Variants in SMIM35 observed in about 807,000 individuals in gnomAD.
SMIM35 encodes small integral membrane protein 35, also known as TMPRSS4 antisense RNA 1 (non-protein coding).
At chr11:118,008,788 G>A (rs76763454) in intron 4 of SMIM35, among the ~76,000 whole-genome samples, 208 of 152,350 alleles carry the variant, frequency 1.4e-3, no homozygotes, top group Middle Eastern at 0.014. Flanking sequence ...GCAAAGTACC[G>A]TGGAGAACTC....
At chr11:118,054,805 A>ATT (rs34274655) in intron 1 of SMIM35, among the ~76,000 whole-genome samples, 615 of 139,374 alleles carry the variant, frequency 4.4e-3, no homozygotes, top group African/African-American at 9.0e-3. Context: ...TATTTTCAGG[A>ATT]TTTTTTTTTT....
chr11:118,078,224 A>G (rs1944847359), intron 1 of SMIM35, among the ~76,000 whole-genome samples: 1 of 151,988 alleles, frequency 6.6e-6, no homozygotes, highest in Non-Finnish European at 1.5e-5. Context: ...AGGACAGCTG[A>G]GGGCCAGGGA....
At chr11:118,077,186 C>A in intron 1 of SMIM35, 2 of 1,372,192 alleles carry the variant, frequency 1.5e-6, no homozygotes, top group Non-Finnish European at 2.0e-6. Flanking sequence ...CCAGTGCTGA[C>A]CAGGGACTTC....
chr11:118,077,754 GT>G (rs1004239341), intron 1 of SMIM35, among the ~76,000 whole-genome samples: 7 of 151,782 alleles, frequency 4.6e-5, no homozygotes, highest in Non-Finnish European at 1.0e-4. Flanking sequence ...GCTCACGCCT[GT>G]AGTCCCAGCA....
chr11:118,064,769 A>T (rs1210578069), intron 1 of SMIM35, among the ~76,000 whole-genome samples: 1 of 147,816 alleles, frequency 6.8e-6, no homozygotes, highest in Non-Finnish European at 1.5e-5. Flanking sequence ...TCAGCCTCCC[A>T]AGTAGCTGGG....
At chr11:118,018,688 C>A (rs946529925) in intron 1 of SMIM35, among the ~76,000 whole-genome samples, 17 of 152,240 alleles carry the variant, frequency 1.1e-4, no homozygotes, top group African/African-American at 4.1e-4. Context: ...AAATCACAGG[C>A]CTTCCAGAGA....
chr11:118,084,759 T>C (rs1945415216), intron 1 of SMIM35, among the ~76,000 whole-genome samples: 3 of 152,262 alleles, frequency 2.0e-5, no homozygotes, highest in Non-Finnish European at 4.4e-5. Flanking sequence ...TCAATAATTC[T>C]CACCAACAAC....
intron 1 of SMIM35, among the ~76,000 whole-genome samples, chr11:118,080,118 G>A (rs996655328): frequency 6.6e-6 from 1 of 152,204 alleles, no homozygotes. Context: ...GTTTCACCCT[G>A]CAGGTGCTCA....
At chr11:118,035,479 T>G (rs1219636022) in intron 1 of SMIM35, among the ~76,000 whole-genome samples, 1 of 152,196 alleles carries the variant, frequency 6.6e-6, no homozygotes, top group Non-Finnish European at 1.5e-5. Flanking sequence ...GTTCAACAGA[T>G]CAGCACCCTA....
chr11:118,020,456 A>G (rs2058218993), intron 1 of SMIM35, among the ~76,000 whole-genome samples: 1 of 152,228 alleles, frequency 6.6e-6, no homozygotes, highest in African/African-American at 2.4e-5. Context: ...CAGTAAATGT[A>G]TAGGTTTATT....
intron 4 of SMIM35, among the ~76,000 whole-genome samples, chr11:118,009,721 G>A (rs886852990): frequency 3.5e-5 from 5 of 142,012 alleles, no homozygotes; most frequent in South Asian, 2.2e-4. Flanking sequence ...GAATGCAGAC[G>A]CTTTAAAAAA....
intron 1 of SMIM35, chr11:118,028,628 G>T (rs534864943): frequency 2.6e-5 from 6 of 231,616 alleles, no homozygotes; most frequent in African/African-American, 1.4e-4. Context: ...TTTTCAGTTC[G>T]TAAAGAAGAA....
At chr11:118,014,519 T>C (rs1172895393) in intron 3 of SMIM35, among the ~76,000 whole-genome samples, 189 bp downstream of exon 3, 1 of 152,158 alleles carries the variant, frequency 6.6e-6, no homozygotes, top group Non-Finnish European at 1.5e-5. Flanking sequence ...CACATAGTCC[T>C]GTCTGTGTTC....
At position 118,024,364 on chromosome 11, in the gene SMIM35, T is replaced by C. The variant is rs141577656; in HGVS notation, c.8-8555A>G. The stretch of plus-strand genomic sequence containing the variant: ...AATCATTCTTTTTAACTAAACCATA[T>C]GTATAGGTTGGAAAATATACAGGTC... On this transcript the variant is annotated intron_variant, in intron 1 of 4. Coordinates refer to ENST00000689828, the MANE Select transcript of SMIM35 (RefSeq NM_001394165.1). 2.2e-3 allele frequency among the ~76,000 whole-genome samples: 336 copies of C among 152,350 alleles called. 1 individual carries two copies. Among genetic ancestry groups the C allele is most frequent in the African/African-American group, 7.7e-3 (320 of 41,590 alleles).
chr11:118,048,963 A>AAAAAAAAAAAAAAAAG (rs1565391524), intron 1 of SMIM35, among the ~76,000 whole-genome samples: 1 of 151,270 alleles, frequency 6.6e-6, no homozygotes. Flanking sequence ...AAAAAAAAAA[A>AAAAAAAAAAAAAAAAG]AGCAAGTGAA....
At chr11:118,056,550 TA>T (rs1338191216) in intron 1 of SMIM35, among the ~76,000 whole-genome samples, 1 of 152,086 alleles carries the variant, frequency 6.6e-6, no homozygotes, top group African/African-American at 2.4e-5. Flanking sequence ...GATGTAGGTT[TA>T]GAGCTCAGGA....
Position 118,009,875 on chromosome 11 carries a change from A to G in SMIM35, c.*34-3499T>C, listed in dbSNP as rs2058141607. Among the ~76,000 whole-genome samples, 6 of 152,332 alleles carry G rather than the reference A, an allele frequency of 3.9e-5. No homozygotes were observed. In the South Asian group the frequency reaches 1.2e-3, roughly 32 times the overall value. ...AGTAAGTAGCCCATGACCACACAGC[A>G]CATCAGGGCAGGGTCAGAACCAGAC... is the stretch of plus-strand genomic sequence containing the variant. On this transcript the variant is annotated intron_variant, in intron 4 of 4. Coordinates refer to ENST00000689828, the MANE Select transcript of SMIM35 (RefSeq NM_001394165.1).
chr11:118,044,779 A>AAG (rs1334555072), intron 1 of SMIM35, among the ~76,000 whole-genome samples: 1 of 111,510 alleles, frequency 9.0e-6, no homozygotes, highest in East Asian at 2.2e-4. Flanking sequence ...CTCCAAAAAA[A>AAG]AAAAAAAAAA....
At chr11:118,083,105 C>T (rs1945282254) in intron 1 of SMIM35, among the ~76,000 whole-genome samples, 1 of 152,174 alleles carries the variant, frequency 6.6e-6, no homozygotes, top group Admixed American at 6.5e-5. Context: ...GTGCTCAGAG[C>T]CCTTATCTGA....
Sources: allele counts gnomAD v4.1 joint callset (sites outside exome capture counted in the v4.1 genomes callset), GRCh38; gene constraint gnomAD v4.1.1; transcripts MANE v1.5; gene names NCBI Gene and HGNC (gene_info 2026-07-23, HGNC 2026-07-21).